Variants in TMIGD3 observed in about 807,000 individuals in gnomAD.
The protein encoded by TMIGD3 is AD026 protein (AD026).
In TMIGD3, 21 loss-of-function variants were observed where a neutral mutation model predicts 28.1. The observed-to-expected ratio is 0.75, with a 90% CI of 0.53 to 1.08. TMIGD3 has a LOEUF of 1.08. Ranked by LOEUF, TMIGD3 falls within the 50% of genes least tolerant of loss-of-function variation. The pLI is 0.00. For synonymous variants in TMIGD3, 151 were observed against 162.1 expected (o/e 0.93, Z 0.52); for missense variants, 416 against 435.6 (o/e 0.96, Z 0.40).
At chr1:111,541,111 G>C (rs1432613291) in intron 1 of TMIGD3, among the ~76,000 whole-genome samples, 1 of 152,146 alleles carries the variant, frequency 6.6e-6, no homozygotes, top group African/African-American at 2.4e-5. Context: ...ACAGACATAT[G>C]TGTATGAATG....
chr1:111,529,423 T>C (rs1216416232), intron 1 of TMIGD3, among the ~76,000 whole-genome samples: 1 of 150,694 alleles, frequency 6.6e-6, no homozygotes, highest in Non-Finnish European at 1.5e-5. Context: ...CAGAGGGGGA[T>C]TTGGCAGGGT....
chr1:111,483,824 G>C lies in TMIGD3; in HGVS notation c.974-67C>G. 2.2e-6 allele frequency: 3 copies of C among 1,350,960 alleles called. No homozygotes were observed. The South Asian group carries it at 3.6e-5, about 16-fold the overall frequency. 83.7% of individuals were successfully genotyped at this position (1,350,960 alleles called of 1,614,324 possible). A position where few individuals can be genotyped will look rare whatever the true frequency, so the allele number is the denominator to read the frequency against. On this transcript the variant is annotated intron_variant, in intron 5 of 5. Coordinates refer to ENST00000369716, the MANE Select transcript of TMIGD3 (RefSeq NM_020683.7). ...TTGCCTACCCCTGAAGAGTGTTTCT[G>C]CAGCAAAAGTTCCAAACTCTGTCAT... is the stretch of plus-strand genomic sequence containing the variant.
At chr1:111,506,759 C>T (rs1655503384), upstream of TMIGD3, among the ~76,000 whole-genome samples, 1 of 151,874 alleles carries the variant, frequency 6.6e-6, no homozygotes, top group Admixed American at 6.6e-5. Context: ...CTGCTCTGAG[C>T]TAGGAAGAGA....
rs749408109 is a variant in TMIGD3 at position 111,485,789 on chromosome 1, A to G, written c.924T>C (p.Ser308=). ...TCCTTTTGGTCAAATGACTGATTAC[A>G]GAGATGATTCCCAAACCCGTGATCA... is the stretch of plus-strand genomic sequence containing the variant. The part of the protein sequence containing the change: ...CILITGLGII[S]VISHLTKRRR... The change falls in exon 5 of 6, where the codon TCT becomes TCC. Residue 308 remains serine (S), a synonymous_variant. Transcript: ENST00000369716. The G allele has an allele frequency of 7.4e-6, 12 of 1,612,314 alleles. No homozygotes were observed. The highest frequency in any genetic ancestry group is 9.3e-6 in the Non-Finnish European group (11 of 1,179,654).
At chr1:111,560,222 C>T (rs956783396) in intron 1 of TMIGD3, among the ~76,000 whole-genome samples, 1 of 152,138 alleles carries the variant, frequency 6.6e-6, no homozygotes, top group Admixed American at 6.5e-5. Context: ...ACAAGCCCAA[C>T]CTCGTCTTAC....
intron 1 of TMIGD3, among the ~76,000 whole-genome samples, chr1:111,516,027 T>C (rs375610574): frequency 8.2e-4 from 125 of 152,326 alleles, no homozygotes; most frequent in Middle Eastern, 3.4e-3. Flanking sequence ...GGCGAGTCTC[T>C]AGGAGGCTGG....
intron 1 of TMIGD3, chr1:111,500,039 T>C: frequency 6.2e-7 from 1 of 1,614,248 alleles, no homozygotes; most frequent in South Asian, 1.1e-5. Context: ...TAGGTTTCCT[T>C]GAACTTCTTT....
At chr1:111,509,587 G>A (rs1180682630) in intron 1 of TMIGD3, among the ~76,000 whole-genome samples, 1 of 152,182 alleles carries the variant, frequency 6.6e-6, no homozygotes, top group Non-Finnish European at 1.5e-5. Context: ...GCAATGTCCT[G>A]GTCTCCTTCT....
intron 1 of TMIGD3, among the ~76,000 whole-genome samples, chr1:111,492,641 C>T (rs528589578): frequency 2.0e-4 from 30 of 151,952 alleles, no homozygotes; most frequent in African/African-American, 6.5e-4. Context: ...TGGTGAAACC[C>T]CATCTCTACT....
At chr1:111,492,638 A>AC (rs1177716727) in intron 1 of TMIGD3, among the ~76,000 whole-genome samples, 4 of 151,976 alleles carry the variant, frequency 2.6e-5, no homozygotes, top group African/African-American at 4.8e-5. Flanking sequence ...ATATGGTGAA[A>AC]CCCCATCTCT....
At chr1:111,484,020 GAGC>G (rs1296198056) in intron 5 of TMIGD3, among the ~76,000 whole-genome samples, 1 of 152,192 alleles carries the variant, frequency 6.6e-6, no homozygotes, top group East Asian at 1.9e-4. Flanking sequence ...TCAAAGCTAG[GAGC>G]CTTGGTTCAG....
At chr1:111,509,636 C>A (rs527517021) in intron 1 of TMIGD3, among the ~76,000 whole-genome samples, 5 of 152,200 alleles carry the variant, frequency 3.3e-5, no homozygotes, top group African/African-American at 7.2e-5. Flanking sequence ...AAACTTCTTA[C>A]GGAATTGCAT....
chr1:111,524,308 C>T (rs373683021), intron 1 of TMIGD3, among the ~76,000 whole-genome samples: 3 of 152,090 alleles, frequency 2.0e-5, no homozygotes, highest in African/African-American at 4.8e-5. Flanking sequence ...GGATTACAGG[C>T]GTGAGCCATC....
chr1:111,533,796 C>A (rs571671217), intron 1 of TMIGD3, among the ~76,000 whole-genome samples: 2 of 152,166 alleles, frequency 1.3e-5, no homozygotes, highest in Non-Finnish European at 2.9e-5. Flanking sequence ...CTCAAGTGAT[C>A]CACCCACCTC....
chr1:111,486,530 C>A, intron 4 of TMIGD3, 56 bp downstream of exon 4: 2 of 1,337,638 alleles, frequency 1.5e-6, no homozygotes, highest in Non-Finnish European at 2.1e-6. Flanking sequence ...GCCACCCCAG[C>A]CCCTACCTCC....
intron 1 of TMIGD3, among the ~76,000 whole-genome samples, chr1:111,555,362 TAAAAAAAAAAAAAA>T (rs397981230): frequency 4.2e-5 from 2 of 47,650 alleles, no homozygotes; most frequent in African/African-American, 2.4e-4. Flanking sequence ...TGAGACTCTG[TAAAAAAAAAAAAAA>T]AAAAAAAAAA....
intron 1 of TMIGD3, among the ~76,000 whole-genome samples, chr1:111,539,557 A>C (rs1656749399): frequency 6.6e-6 from 1 of 152,086 alleles, no homozygotes; most frequent in South Asian, 2.1e-4. Flanking sequence ...CGGCCTCCCA[A>C]ACTGCTGGGA....
chr1:111,495,633 C>G (rs1377494676), intron 1 of TMIGD3, among the ~76,000 whole-genome samples: 1 of 152,152 alleles, frequency 6.6e-6, no homozygotes, highest in Non-Finnish European at 1.5e-5. Context: ...GAGCTAAAAA[C>G]AGAACTATCA....
intron 1 of TMIGD3, among the ~76,000 whole-genome samples, chr1:111,511,170 A>T (rs918724125): frequency 6.6e-6 from 1 of 152,184 alleles, no homozygotes; most frequent in African/African-American, 2.4e-5. Context: ...CCTCTCTTGG[A>T]GCACTTACTA....
Sources: allele counts gnomAD v4.1 joint callset (sites outside exome capture counted in the v4.1 genomes callset), GRCh38; gene constraint gnomAD v4.1.1; transcripts MANE v1.5; gene names NCBI Gene and HGNC (gene_info 2026-07-23, HGNC 2026-07-21).